GLI3: variants seen among roughly 807,000 people sequenced by gnomAD.
GLI3 encodes the protein GLI family zinc finger 3, also known as transcription activator GLI3.
GLI3 carries 20 observed loss-of-function variants against 100.8 expected under a neutral mutation model. The observed-to-expected ratio is 0.20, with a 90% CI of 0.14 to 0.29. GLI3 has a LOEUF of 0.29. Among genes scored for constraint, GLI3 ranks in the 10% least tolerant of loss-of-function variants. The probability of loss-of-function intolerance (pLI) is 1.00; values close to 1 mark genes in which losing one functional copy is unlikely to be tolerated. For missense variants in GLI3, 2,040 were observed against 2,128.5 expected, an observed-to-expected ratio of 0.96 and a Z score of 0.82; for synonymous variants, 938 against 860.5, an observed-to-expected ratio of 1.09 and a Z score of -1.58.
rs756581886 is a variant in GLI3 at position 42,023,503 on chromosome 7, C to A, written c.1462G>T (p.Ala488Ser). ...TGCTCTTGGGTGTCGAACTCCCTCG[C>A]GCAGCCTTCCCAGTGGCAGTTTGTC... is the stretch of plus-strand genomic sequence containing the variant. Reference protein sequence around the residue: ...YETNCHWEGCAREFDTQEQLV... With the variant: ...YETNCHWEGCSREFDTQEQLV... Residue 488 changes from alanine (A) to serine (S), a missense_variant, in exon 10 of 15, where the codon GCG becomes TCG. This residue lies in a region of GLI3 where 603 missense variants were observed against 690.9 expected (regional missense o/e 0.87). Transcript: ENST00000395925. 1 of 1,613,984 alleles carries A rather than the reference C, an allele frequency of 6.2e-7. No individual in the cohort carries two copies. The highest frequency in any genetic ancestry group is 1.3e-5 in the African/African-American group (1 of 74,898).
intron 1 of GLI3, among the ~76,000 whole-genome samples, chr7:42,236,604 G>A (rs937002052): frequency 6.6e-6 from 1 of 152,182 alleles, no homozygotes; most frequent in Middle Eastern, 3.2e-3. Context: ...ACCGCGCAAA[G>A]GAAGGAGCCA....
Position 42,164,723 on chromosome 7 carries a change from G to A in GLI3, c.125-16255C>T, listed in dbSNP as rs927865148. ...CCTGTGGCTGTAGTCCCAGCTATTC[G>A]GGAGGCTGAGGCAGGAGAATGGCAT... On this transcript the variant is annotated intron_variant, in intron 2 of 14. Coordinates refer to ENST00000395925, the MANE Select transcript of GLI3 (RefSeq NM_000168.6). Among the ~76,000 whole-genome samples the A allele has an allele frequency of 1.4e-4, 21 of 151,614 alleles. No homozygotes were observed. In the South Asian group the frequency reaches 3.1e-3, roughly 23 times the overall value.
chr7:42,069,963 A>G, intron 4 of GLI3, among the ~76,000 whole-genome samples: 1 of 152,228 alleles, frequency 6.6e-6, no homozygotes, highest in East Asian at 1.9e-4. Flanking sequence ...GTGTGAAGGG[A>G]GGGAGCAAGC....
intron 3 of GLI3, among the ~76,000 whole-genome samples, chr7:42,130,105 C>T (rs1300452904): frequency 1.3e-5 from 2 of 152,070 alleles, no homozygotes; most frequent in Non-Finnish European, 2.9e-5. Flanking sequence ...TGGTGTGACA[C>T]CCTTATTGGT....
chr7:42,258,276 G>A (rs941777946), intron 1 of GLI3, among the ~76,000 whole-genome samples: 3 of 152,150 alleles, frequency 2.0e-5, no homozygotes, highest in African/African-American at 7.2e-5. Context: ...ATTGTCACCT[G>A]TATGACCAAC....
At chr7:42,118,162 A>G in intron 3 of GLI3, 1 of 393,100 alleles carries the variant, frequency 2.5e-6, no homozygotes, top group East Asian at 3.6e-5. Context: ...AAGCTTAATC[A>G]TCTTAATGAA....
chr7:42,145,298 T>C, intron 3 of GLI3: 1 of 335,886 alleles, frequency 3.0e-6, no homozygotes, highest in South Asian at 1.5e-4. Context: ...AAATATTCAA[T>C]ATGAATAAAT....
At chr7:42,134,286 T>G (rs1786371291) in intron 3 of GLI3, among the ~76,000 whole-genome samples, 1 of 152,042 alleles carries the variant, frequency 6.6e-6, no homozygotes, top group African/African-American at 2.4e-5. Context: ...TGCGAAATAT[T>G]AACTTCAAAT....
At chr7:42,262,209 T>TTCCTTCCTTCCTTACTTCCTTAC (rs1186292634) in intron 1 of GLI3, among the ~76,000 whole-genome samples, 1 of 110,842 alleles carries the variant, frequency 9.0e-6, no homozygotes, top group Admixed American at 9.3e-5. Flanking sequence ...TCCTTCCTTC[T>TTCCTTCCTTCCTTACTTCCTTAC]TTCCTTCCTT....
chr7:41,999,755 T>C (rs866499129), intron 10 of GLI3, among the ~76,000 whole-genome samples: 65 of 152,130 alleles, frequency 4.3e-4, no homozygotes, highest in African/African-American at 1.5e-3. Flanking sequence ...AACCTTTAAA[T>C]CCCACACTTT....
intron 10 of GLI3, among the ~76,000 whole-genome samples, chr7:42,008,291 T>G (rs1788514502): frequency 1.3e-5 from 2 of 152,200 alleles, no homozygotes; most frequent in South Asian, 4.1e-4. Context: ...TCCCTATGGT[T>G]TCCATGCATT....
intron 1 of GLI3, among the ~76,000 whole-genome samples, chr7:42,228,181 T>C (rs1407712603): frequency 6.6e-6 from 1 of 152,012 alleles, no homozygotes; most frequent in African/African-American, 2.4e-5. Flanking sequence ...CGCGGGGAAG[T>C]CCACGCCGAG....
chr7:42,209,436 A>G (rs1788219277), intron 2 of GLI3, among the ~76,000 whole-genome samples: 1 of 152,222 alleles, frequency 6.6e-6, no homozygotes, highest in African/African-American at 2.4e-5. Context: ...AGATGGACCC[A>G]TACATGTGAT....
intron 12 of GLI3, among the ~76,000 whole-genome samples, chr7:41,974,466 T>G (rs1020930721): frequency 6.6e-5 from 10 of 152,186 alleles, no homozygotes; most frequent in Admixed American, 2.6e-4. Flanking sequence ...AATTAGAGAC[T>G]AAGAAAAATG....
At chr7:42,261,551 T>C (rs1789140511) in intron 1 of GLI3, among the ~76,000 whole-genome samples, 1 of 152,154 alleles carries the variant, frequency 6.6e-6, no homozygotes, top group Non-Finnish European at 1.5e-5. Context: ...GAAACTTAGT[T>C]GGGGGAGTTA....
At chr7:42,242,401 A>G (rs897216823), upstream of GLI3, among the ~76,000 whole-genome samples, 2 of 152,182 alleles carry the variant, frequency 1.3e-5, no homozygotes, top group African/African-American at 2.4e-5. Context: ...CCACTTACAT[A>G]AACTGCAGGT....
chr7:42,002,593 T>G lies in GLI3; in HGVS notation c.1497+20875A>C, dbSNP rs185076694. Among the ~76,000 whole-genome samples the G allele has an allele frequency of 3.3e-3, 509 of 152,368 alleles. 5 individuals are homozygous for G. The highest frequency in any genetic ancestry group is 0.012 in the African/African-American group (480 of 41,588). On this transcript the variant is annotated intron_variant, in intron 10 of 14. Transcript: ENST00000395925. ...CATAACAATCAGTATTGCCTGAGAA[T>G]CTATTTTCACTTGACCACAGAATAT... is the stretch of plus-strand genomic sequence containing the variant.
chr7:42,044,920 C>T (rs1198892622), intron 6 of GLI3, among the ~76,000 whole-genome samples: 1 of 152,154 alleles, frequency 6.6e-6, no homozygotes, highest in Non-Finnish European at 1.5e-5. Context: ...CAGGGTCTCA[C>T]TCTGTCACCC....
At chr7:42,148,811 C>G (rs1786785474) in intron 2 of GLI3, among the ~76,000 whole-genome samples, 1 of 152,128 alleles carries the variant, frequency 6.6e-6, no homozygotes. Flanking sequence ...CTTGCAGGTC[C>G]CACGTGGAAC....
Sources: allele counts gnomAD v4.1 joint callset (sites outside exome capture counted in the v4.1 genomes callset), GRCh38; gene constraint gnomAD v4.1.1; regional missense constraint gnomAD v4.1.1; transcripts MANE v1.5; gene names NCBI Gene and HGNC (gene_info 2026-07-23, HGNC 2026-07-21).